Variants in KIAA0040 observed in about 807,000 individuals in gnomAD.
KIAA0040 encodes uncharacterized protein KIAA0040.
A neutral mutation model predicts 7.2 loss-of-function variants in KIAA0040; 10 were observed. The observed-to-expected ratio is 1.38, with a 90% CI of 0.85 to 2.34. The LOEUF (loss-of-function observed/expected upper bound fraction) is 2.34. Among genes scored for constraint, KIAA0040 ranks in the 30% most tolerant of loss-of-function variants. The probability of loss-of-function intolerance (pLI) is 0.00; values close to 1 mark genes in which losing one functional copy is unlikely to be tolerated. For missense variants in KIAA0040, 89 were observed against 108.2 expected, an observed-to-expected ratio of 0.82 and a Z score of 0.79; for synonymous variants, 49 against 40.1, an observed-to-expected ratio of 1.22 and a Z score of -0.84.
At position 175,158,432 on chromosome 1, in the gene KIAA0040, G is replaced by T. The variant is rs1210809264; in HGVS notation, c.*2282C>A. ...AGTTGCCATGGAAACCATGTTACTT[G>T]TATGGTCCCGGATCCCGGTGATCCG... On this transcript the variant is annotated 3_prime_UTR_variant, in exon 4 of 4. Transcript: ENST00000423313. 1 of 152,188 alleles carries T rather than the reference G, an allele frequency of 6.6e-6. No individual in the cohort carries two copies. The highest frequency in any genetic ancestry group is 6.5e-5 in the Admixed American group (1 of 15,288). The allele number at this position is 152,188 out of a possible 1,614,324, so 9.4% of individuals were successfully genotyped here.
chr1:175,179,369 G>A (rs543557260), intron 1 of KIAA0040, among the ~76,000 whole-genome samples: 1 of 152,180 alleles, frequency 6.6e-6, no homozygotes. Context: ...ACCAGAGCTC[G>A]GGATTACGCA....
intron 2 of KIAA0040, among the ~76,000 whole-genome samples, chr1:175,167,443 G>A (rs1004007467): frequency 2.0e-5 from 3 of 152,224 alleles, no homozygotes; most frequent in African/African-American, 7.2e-5. Context: ...AAAAGGACCT[G>A]AAGGGACAGG....
At chr1:175,187,238 G>A (rs972460273) in intron 1 of KIAA0040, among the ~76,000 whole-genome samples, 17 of 152,170 alleles carry the variant, frequency 1.1e-4, no homozygotes, top group Admixed American at 3.3e-4. Flanking sequence ...TTCAACAAGC[G>A]GTTACTGAGA....
intron 1 of KIAA0040, among the ~76,000 whole-genome samples, chr1:175,180,128 C>T (rs1677377969): frequency 6.6e-6 from 1 of 152,166 alleles, no homozygotes. Context: ...CCTGGGGAAA[C>T]CTTCCTTGAC....
At chr1:175,173,713 G>C (rs923407350) in intron 2 of KIAA0040, among the ~76,000 whole-genome samples, 2 of 152,154 alleles carry the variant, frequency 1.3e-5, no homozygotes, top group African/African-American at 4.8e-5. Flanking sequence ...GTGCACTCTT[G>C]ATTACGATGC....
chr1:175,183,814 T>C (rs1021652233), intron 1 of KIAA0040, among the ~76,000 whole-genome samples: 1 of 152,202 alleles, frequency 6.6e-6, no homozygotes, highest in African/African-American at 2.4e-5. Flanking sequence ...GGCTTGCAGC[T>C]AGGTGCTTGC....
intron 1 of KIAA0040, among the ~76,000 whole-genome samples, chr1:175,190,414 A>C (rs1047295430): frequency 1.3e-5 from 2 of 152,192 alleles, no homozygotes; most frequent in Admixed American, 1.3e-4. Context: ...CTGTATACCC[A>C]ACTGCTTATC....
intron 2 of KIAA0040, among the ~76,000 whole-genome samples, chr1:175,173,567 C>G (rs1677069000): frequency 6.6e-6 from 1 of 152,172 alleles, no homozygotes; most frequent in African/African-American, 2.4e-5. Context: ...CTCTCTGAGT[C>G]CAGAGATCCT....
intron 1 of KIAA0040, among the ~76,000 whole-genome samples, chr1:175,178,963 G>A (rs376190707): frequency 2.1e-5 from 2 of 97,112 alleles, no homozygotes; most frequent in African/African-American, 7.4e-5. Context: ...CAGAGTGGGG[G>A]ACGGGGCGGG....
chr1:175,190,531 T>A (rs997325890), intron 1 of KIAA0040, among the ~76,000 whole-genome samples: 2 of 152,232 alleles, frequency 1.3e-5, no homozygotes, highest in African/African-American at 2.4e-5. Flanking sequence ...CTAGCTTACA[T>A]GATTTTTATT....
chr1:175,184,364 C>T (rs113221805), intron 1 of KIAA0040, among the ~76,000 whole-genome samples: 86 of 152,324 alleles, frequency 5.6e-4, no homozygotes, highest in African/African-American at 1.9e-3. Context: ...CGACCTCACA[C>T]GGTGCCACTG....
At chr1:175,164,767 C>T (rs1291971801) in intron 3 of KIAA0040, among the ~76,000 whole-genome samples, 1 of 152,146 alleles carries the variant, frequency 6.6e-6, no homozygotes, top group South Asian at 2.1e-4. Flanking sequence ...AGGTTACTTG[C>T]TGAGCTCTGC....
chr1:175,166,212 A>C (rs1390554682), intron 3 of KIAA0040, among the ~76,000 whole-genome samples: 2 of 152,204 alleles, frequency 1.3e-5, no homozygotes, highest in African/African-American at 4.8e-5. Context: ...TTGCTCAAAC[A>C]GCTCCATTGA....
chr1:175,183,351 G>A (rs938335442), intron 1 of KIAA0040, among the ~76,000 whole-genome samples: 38 of 152,212 alleles, frequency 2.5e-4, no homozygotes, highest in Admixed American at 1.6e-3. Context: ...GGGGAGATGA[G>A]AAAGAACCAG....
At chr1:175,173,309 T>C (rs912887523) in intron 2 of KIAA0040, among the ~76,000 whole-genome samples, 9 of 152,198 alleles carry the variant, frequency 5.9e-5, no homozygotes, top group African/African-American at 2.2e-4. Flanking sequence ...AAAAGTCTTA[T>C]CACCTTTCAC....
intron 1 of KIAA0040, among the ~76,000 whole-genome samples, chr1:175,186,835 G>T (rs1172198095): frequency 6.6e-6 from 1 of 152,244 alleles, no homozygotes; most frequent in Admixed American, 6.5e-5. Flanking sequence ...TGAGCAGGCT[G>T]CATCTGGTGG....
intron 1 of KIAA0040, among the ~76,000 whole-genome samples, chr1:175,189,822 A>AT (rs1677802711): frequency 1.4e-5 from 2 of 141,928 alleles, no homozygotes; most frequent in Non-Finnish European, 3.1e-5. Context: ...AATTATCCCC[A>AT]TTTTAAATAT....
At chr1:175,183,157 C>A (rs774216519) in intron 1 of KIAA0040, among the ~76,000 whole-genome samples, 1 of 152,214 alleles carries the variant, frequency 6.6e-6, no homozygotes, top group Non-Finnish European at 1.5e-5. Context: ...TTCTCTACCA[C>A]CTCACCTCCC....
chr1:175,189,601 T>C (rs1163884739), intron 1 of KIAA0040, among the ~76,000 whole-genome samples: 1 of 152,174 alleles, frequency 6.6e-6, no homozygotes. Context: ...AAATATGTCA[T>C]ACAATAGGAA....
Sources: gnomAD v4.1 joint callset for allele counts (sites outside exome capture counted in the v4.1 genomes callset) on GRCh38, gnomAD v4.1.1 for gene constraint, MANE v1.5 for transcripts, NCBI Gene and HGNC (gene_info 2026-07-23, HGNC 2026-07-21) for gene names.